MRO: variants seen among roughly 807,000 people sequenced by gnomAD.
MRO encodes the protein maestro, also known as protein maestro.
In MRO, 28 loss-of-function variants were observed where a neutral mutation model predicts 31.0. The observed-to-expected ratio is 0.90, with a 90% confidence interval of 0.67 to 1.24. The LOEUF (loss-of-function observed/expected upper bound fraction) is 1.24. MRO is among the 50% of genes most tolerant of loss of function. The probability of loss-of-function intolerance (pLI) is 0.00; values close to 1 mark genes in which losing one functional copy is unlikely to be tolerated. For synonymous variants in MRO, 108 were observed against 108.4 expected, an observed-to-expected ratio of 1.00 and a Z score of 0.02; for missense variants, 332 against 289.2, an observed-to-expected ratio of 1.15 and a Z score of -1.07.
At chr18:50,814,180 A>G (rs999684673) in intron 2 of MRO, among the ~76,000 whole-genome samples, 3 of 152,110 alleles carry the variant, frequency 2.0e-5, no homozygotes, top group African/African-American at 7.2e-5. Flanking sequence ...CTCCTGTCCC[A>G]TGTTGAACGA....
At chr18:50,815,329 C>T (rs1599037887) in intron 2 of MRO, 1 of 266,684 alleles carries the variant, frequency 3.7e-6, no homozygotes, top group East Asian at 9.7e-5. Flanking sequence ...ATAATTTTTG[C>T]CGTGGTGGGA....
rs1034437601 is a variant in MRO, at chr18:50,809,455, A to G, written c.-4-51T>C. 4 of 1,292,312 alleles carry G rather than the reference A, an allele frequency of 3.1e-6. No homozygotes were observed. The African/African-American group carries it at 4.4e-5, about 14-fold the overall frequency. 80.1% of individuals were successfully genotyped at this position (1,292,312 alleles called of 1,614,324 possible). A position where few individuals can be genotyped will look rare whatever the true frequency, so the allele number is the denominator to read the frequency against. ...CATGCGCCACAGACACTCATCATCA[A>G]CAAACATTGTTGTACAATGCATTGT... On this transcript the variant is annotated intron_variant, in intron 2 of 7. Transcript: ENST00000398439.
Position 50,809,357 on chromosome 18 carries a change from A to C in MRO, c.44T>G (p.Ile15Ser), listed in dbSNP as rs760171213. 1.3e-5 allele frequency: 21 copies of C among 1,613,886 alleles called. No homozygotes were observed. In the South Asian group the frequency reaches 2.2e-4, roughly 17 times the overall value. ...TTTCTGCTTGGGCTGGGAAGTAGGG[A>C]TGGAAAGGGGCTGGCCCAGGATTCT... ...QRRILGQPLSIPTSQPKQKRT... is the reference protein window; with the variant it reads ...QRRILGQPLSSPTSQPKQKRT... Residue 15 changes from isoleucine to serine, a missense_variant, in exon 3 of 8, where the codon ATC (isoleucine) becomes AGC (serine). Ile to Ser is a moderately radical substitution (Grantham distance 142). Coordinates refer to ENST00000398439, the MANE Select transcript of MRO (RefSeq NM_031939.6).
chr18:50,823,240 A>G (rs919487799), upstream of MRO, among the ~76,000 whole-genome samples: 11 of 134,758 alleles, frequency 8.2e-5, no homozygotes, highest in Non-Finnish European at 3.4e-5. Flanking sequence ...TTCATGCCAC[A>G]TTTGCTTCCT....
At chr18:50,823,799 A>G (rs1915399146), upstream of MRO, 1 of 202,510 alleles carries the variant, frequency 4.9e-6, no homozygotes, top group Non-Finnish European at 1.1e-5. Flanking sequence ...CAGGCCAAAC[A>G]ATGGGGCTGG....
At position 50,806,718 on chromosome 18, in the gene MRO, C is replaced by T; in HGVS notation, c.232G>A (p.Glu78Lys). 6.2e-7 allele frequency: 1 copy of T among 1,614,168 alleles called. No homozygotes were observed. Among genetic ancestry groups the T allele is most frequent in the Non-Finnish European group, 8.5e-7 (1 of 1,180,034 alleles). The change falls in exon 4 of 8, where the codon GAA (glutamate) becomes AAA (lysine). Residue 78 changes from glutamate (E) to lysine (K), a missense_variant. Physicochemically the swap from Glu to Lys is moderately conservative, Grantham distance 56. Transcript: ENST00000398439. ...AMRNLGTMAY[E>K]APDKVRKYKK... ...TCCTTCCCTACCTTGTCAGGGGCTTCATAGGCCATGGTTCCCAAGTTTCTC... is the reference window on the plus strand; with the variant it reads ...TCCTTCCCTACCTTGTCAGGGGCTTTATAGGCCATGGTTCCCAAGTTTCTC...
At chr18:50,817,605 G>A (rs1915037993) in intron 2 of MRO, among the ~76,000 whole-genome samples, 1 of 152,136 alleles carries the variant, frequency 6.6e-6, no homozygotes, top group Non-Finnish European at 1.5e-5. Context: ...TTTGTATGTG[G>A]TGCCTGGTGA....
intron 2 of MRO, among the ~76,000 whole-genome samples, chr18:50,815,961 G>A (rs572454789): frequency 5.3e-5 from 8 of 152,276 alleles, no homozygotes; most frequent in African/African-American, 1.9e-4. Flanking sequence ...TTGAACCCGG[G>A]AGGCAGAGGT....
At chr18:50,824,470 T>C (rs1481703678), upstream of MRO, among the ~76,000 whole-genome samples, 1 of 151,116 alleles carries the variant, frequency 6.6e-6, no homozygotes, top group African/African-American at 2.4e-5. Flanking sequence ...TTTTTTTTTT[T>C]TTGAGACAGA....
At chr18:50,809,144 CAAA>C (rs61728184) in intron 3 of MRO, among the ~76,000 whole-genome samples, 155 bp downstream of exon 3, 29 of 99,068 alleles carry the variant, frequency 2.9e-4, no homozygotes, top group African/African-American at 1.3e-3. Context: ...GACTCCGTCT[CAAA>C]AAAAAAAAAA....
intron 4 of MRO, 66 bp downstream of exon 4, chr18:50,806,638 G>A: frequency 6.3e-7 from 1 of 1,588,994 alleles, no homozygotes; most frequent in African/African-American, 1.3e-5. Context: ...CCAGCCCTGG[G>A]AGTCTCCACA....
chr18:50,805,077 C>G (rs751209742), intron 5 of MRO, 77 bp downstream of exon 5: 5 of 1,277,338 alleles, frequency 3.9e-6, no homozygotes, highest in Non-Finnish European at 5.6e-6. Flanking sequence ...AGGCATGAGC[C>G]ACCGCACCCG....
chr18:50,797,794 C>T lies in MRO; in HGVS notation c.*1543G>A, dbSNP rs1343194397. ...GGGGCAGGGGGCTTACAGCTCAGAA[C>T]CACCCATTTGCTCGTGAGCCTGTGT... On this transcript the variant is annotated 3_prime_UTR_variant, in exon 8 of 8. Transcript: ENST00000398439. The T allele has an allele frequency of 6.6e-6, 1 of 152,212 alleles. No homozygotes were observed. The highest frequency in any genetic ancestry group is 2.4e-5 in the African/African-American group (1 of 41,444). 9.4% of individuals were successfully genotyped at this position (152,212 alleles called of 1,614,324 possible). A position where few individuals can be genotyped will look rare whatever the true frequency, so the allele number is the denominator to read the frequency against.
At position 50,800,035 on chromosome 18, in the gene MRO, C is replaced by T; in HGVS notation, c.693+1G>A. The T allele has an allele frequency of 6.2e-7, 1 of 1,609,826 alleles. No individual in the cohort carries two copies. ...ATTCTCTCCTACCCTGGCTCACTCACCAGCTGCTGGTAGAGCTTAGTGTTC... is the reference window on the plus strand; with the variant it reads ...ATTCTCTCCTACCCTGGCTCACTCATCAGCTGCTGGTAGAGCTTAGTGTTC... On this transcript the variant is annotated splice_donor_variant, in intron 7 of 7. Transcript: ENST00000398439. LOFTEE classifies it high-confidence loss of function.
upstream of MRO, among the ~76,000 whole-genome samples, chr18:50,822,846 C>T (rs1915356944): frequency 6.6e-6 from 1 of 152,028 alleles, no homozygotes; most frequent in Non-Finnish European, 1.5e-5. Flanking sequence ...GATCCTGCTT[C>T]CATGGAGGCA....
At chr18:50,820,987 C>T (rs1319925502), upstream of MRO, among the ~76,000 whole-genome samples, 1 of 152,186 alleles carries the variant, frequency 6.6e-6, no homozygotes, top group Non-Finnish European at 1.5e-5. Flanking sequence ...ACCACTGTGA[C>T]ATTTGAGGAC....
chr18:50,819,007 C>T (rs1191122252), intron 2 of MRO, among the ~76,000 whole-genome samples: 2 of 151,866 alleles, frequency 1.3e-5, no homozygotes, highest in South Asian at 2.1e-4. Flanking sequence ...GAGCCGAGAT[C>T]GGGCCACCGC....
intron 5 of MRO, among the ~76,000 whole-genome samples, chr18:50,802,490 A>T (rs568838410): frequency 6.6e-6 from 1 of 152,176 alleles, no homozygotes; most frequent in East Asian, 1.9e-4. Flanking sequence ...TAAACACCTG[A>T]CTCATGGTGC....
chr18:50,808,332 G>A (rs984137404), intron 3 of MRO, among the ~76,000 whole-genome samples: 4 of 152,136 alleles, frequency 2.6e-5, no homozygotes, highest in African/African-American at 7.2e-5. Flanking sequence ...TTAGAAAGGG[G>A]CCTAGAGGGG....
Sources: allele counts gnomAD v4.1 joint callset (sites outside exome capture counted in the v4.1 genomes callset), GRCh38; gene constraint gnomAD v4.1.1; transcripts MANE v1.5; gene names NCBI Gene and HGNC (gene_info 2026-07-23, HGNC 2026-07-21).